The following PCDH15 variants were observed in gnomAD, a reference collection of about 807,000 sequenced individuals.
PCDH15 encodes the protein protocadherin related 15.
A neutral mutation model predicts 178.5 loss-of-function variants in PCDH15; 129 were observed. That is an observed-to-expected ratio of 0.72 (90% CI 0.63 to 0.84). The LOEUF is 0.84. Ranked by LOEUF, PCDH15 falls within the 40% of genes least tolerant of loss-of-function variation. The pLI, the probability that PCDH15 is intolerant of heterozygous loss-of-function variation, is 0.00. For missense variants in PCDH15, 2,230 were observed against 2,099.9 expected (o/e 1.06, Z -1.21); for synonymous variants, 800 against 732.0 (o/e 1.09, Z -1.50).
intron 2 of PCDH15, among the ~76,000 whole-genome samples, chr10:55,525,356 C>T (rs906280740): frequency 3.3e-5 from 5 of 151,880 alleles, no homozygotes; most frequent in South Asian, 4.1e-4. Flanking sequence ...TGTGAAGACA[C>T]GTTTCATTCC....
rs182339723 is a variant in PCDH15 at position 54,568,567 on chromosome 10, T to C, written c.92-40690A>G. 1.8e-3 allele frequency: 276 copies of C among 152,246 alleles called. 1 individual carries two copies. The highest frequency in any genetic ancestry group is 6.5e-3 in the African/African-American group (271 of 41,544). The allele number at this position is 152,246 out of a possible 1,614,324, so 9.4% of individuals were successfully genotyped here. A position where few individuals can be genotyped will look rare whatever the true frequency, so the allele number is the denominator to read the frequency against. On this transcript the variant is annotated intron_variant, in intron 2 of 37. Transcript: ENST00000644397. ...TCTTAAATATTACTGTTCAACAGTTTTGATGAATGGCTACACCAGTGAAAC... is the reference window on the plus strand; with the variant it reads ...TCTTAAATATTACTGTTCAACAGTTCTGATGAATGGCTACACCAGTGAAAC...
intron 18 of PCDH15, among the ~76,000 whole-genome samples, chr10:54,045,424 T>C (rs1301429119): frequency 6.6e-6 from 1 of 152,064 alleles, no homozygotes; most frequent in Non-Finnish European, 1.5e-5. Flanking sequence ...AAGAAATCAC[T>C]ACACCTATGA....
At chr10:54,295,351 A>G (rs1246257669) in intron 8 of PCDH15, among the ~76,000 whole-genome samples, 4 of 152,192 alleles carry the variant, frequency 2.6e-5, no homozygotes, top group Admixed American at 2.6e-4. Context: ...AATCAGCAGG[A>G]TGTGGGCGGG....
At chr10:53,995,339 C>T (rs1203384173) in intron 21 of PCDH15, 2 of 390,624 alleles carry the variant, frequency 5.1e-6, no homozygotes, top group Non-Finnish European at 9.4e-6. Context: ...AAATTTAAAA[C>T]ATATCCAGAT....
intron 13 of PCDH15, among the ~76,000 whole-genome samples, chr10:54,167,999 T>A (rs1463978967): frequency 3.3e-5 from 5 of 151,824 alleles, no homozygotes; most frequent in African/African-American, 4.8e-5. Context: ...TAGGCTTGCT[T>A]CCTTGACTAT....
chr10:54,639,671 A>G (rs1227995921), intron 2 of PCDH15, among the ~76,000 whole-genome samples: 1 of 152,178 alleles, frequency 6.6e-6, no homozygotes, highest in African/African-American at 2.4e-5. Context: ...AAAAACTAAT[A>G]AATAGGAGTA....
rs1842477675 is a variant in PCDH15 at position 55,575,406 on chromosome 10, T to C, written c.-156+52219A>G. 3.3e-5 allele frequency among the ~76,000 whole-genome samples: 5 copies of C among 152,130 alleles called. No individual in the cohort carries two copies. In the South Asian group the frequency reaches 8.3e-4, roughly 25 times the overall value. ...TAAAATTTTGCCAAATAAAAGTGTA[T>C]GTTTTTTCAAAAGTCTATTTTCCAA... is the stretch of plus-strand genomic sequence containing the variant. On this transcript the variant is annotated intron_variant, in intron 2 of 5. Transcript: ENST00000613346.
At chr10:53,964,375 A>AATAT (rs2088715546) in intron 21 of PCDH15, among the ~76,000 whole-genome samples, 1 of 148,634 alleles carries the variant, frequency 6.7e-6, no homozygotes, top group Admixed American at 6.7e-5. Context: ...TTTATAAAAA[A>AATAT]ATTTATTTAT....
intron 3 of PCDH15, among the ~76,000 whole-genome samples, chr10:54,468,771 T>C (rs1462563090): frequency 6.6e-6 from 1 of 152,248 alleles, no homozygotes; most frequent in Non-Finnish European, 1.5e-5. Flanking sequence ...TATTACATTA[T>C]TGCAGTCTAT....
At chr10:55,181,914 C>T (rs941344747) in intron 1 of PCDH15, among the ~76,000 whole-genome samples, 7 of 151,962 alleles carry the variant, frequency 4.6e-5, no homozygotes, top group Middle Eastern at 3.4e-3. Flanking sequence ...TTAATGTTAT[C>T]GACCTATCCC....
chr10:54,065,480 C>T (rs143912107), intron 18 of PCDH15, among the ~76,000 whole-genome samples: 147 of 152,252 alleles, frequency 9.7e-4, no homozygotes, highest in African/African-American at 3.4e-3. Flanking sequence ...CACAGTAAGC[C>T]ATTGGACACC....
chr10:54,462,629 C>T (rs576521477), intron 3 of PCDH15, among the ~76,000 whole-genome samples: 45 of 145,596 alleles, frequency 3.1e-4, no homozygotes, highest in African/African-American at 5.4e-4. Flanking sequence ...ATTCTCCTGC[C>T]TCAGCCTTCC....
intron 27 of PCDH15, among the ~76,000 whole-genome samples, chr10:53,861,624 T>G (rs1243811972): frequency 6.6e-6 from 1 of 152,154 alleles, no homozygotes; most frequent in African/African-American, 2.4e-5. Flanking sequence ...AATAATAAGA[T>G]TAATTCAATA....
chr10:55,293,054 T>C (rs1183398549), intron 1 of PCDH15, among the ~76,000 whole-genome samples: 1 of 152,208 alleles, frequency 6.6e-6, no homozygotes, highest in East Asian at 1.9e-4. Flanking sequence ...AACTTCTGCC[T>C]GGGCATCCAG....
At chr10:54,274,387 C>G (rs375593331) in intron 8 of PCDH15, among the ~76,000 whole-genome samples, 1 of 152,048 alleles carries the variant, frequency 6.6e-6, no homozygotes, top group East Asian at 1.9e-4. Flanking sequence ...TTTTACAAAG[C>G]GCTTTTCATC....
chr10:53,881,357 T>C (rs1388761444), intron 26 of PCDH15, among the ~76,000 whole-genome samples: 1 of 152,142 alleles, frequency 6.6e-6, no homozygotes, highest in Non-Finnish European at 1.5e-5. Context: ...ATGGGTACAC[T>C]ATTAGGGCGA....
chr10:53,945,597 T>G (rs1176188742), intron 23 of PCDH15, among the ~76,000 whole-genome samples: 1 of 151,944 alleles, frequency 6.6e-6, no homozygotes, highest in East Asian at 1.9e-4. Flanking sequence ...ACCATTTTTT[T>G]ACGCTCTACT....
At chr10:55,322,945 G>A (rs1048916029), upstream of PCDH15, among the ~76,000 whole-genome samples, 1 of 152,122 alleles carries the variant, frequency 6.6e-6, no homozygotes, top group Non-Finnish European at 1.5e-5. Context: ...GGCTTAGAAG[G>A]GAAAAATGGT....
rs59634745 is a variant in PCDH15 at position 54,514,703 on chromosome 10, T to G, written c.157+13109A>C. 3.6e-3 allele frequency among the ~76,000 whole-genome samples: 546 copies of G among 149,896 alleles called. 1 individual carries two copies. The highest frequency in any genetic ancestry group is 0.01 in the Middle Eastern group (3 of 290). ...AAAAAACAGTTTTAACTGAAACAAATCTATTCATTGTGAAACATTATTTCA... is the reference window on the plus strand; with the variant it reads ...AAAAAACAGTTTTAACTGAAACAAAGCTATTCATTGTGAAACATTATTTCA... On this transcript the variant is annotated intron_variant, in intron 3 of 37. Transcript: ENST00000644397.
Sources: allele counts gnomAD v4.1 joint callset (sites outside exome capture counted in the v4.1 genomes callset), GRCh38; gene constraint gnomAD v4.1.1; transcripts MANE v1.5; gene names NCBI Gene and HGNC (gene_info 2026-07-23, HGNC 2026-07-21).